The following IL7 variants were observed in gnomAD, a reference collection of about 807,000 sequenced individuals.
The protein encoded by IL7 is interleukin-7.
In IL7, 3 loss-of-function variants were observed where a neutral mutation model predicts 21.6. The observed-to-expected ratio is 0.14, with a 90% CI of 0.06 to 0.36. IL7 has a LOEUF of 0.36. Among genes scored for constraint, IL7 ranks in the 10% least tolerant of loss-of-function variants. IL7 has a pLI of 1.00. For synonymous variants in IL7, 62 were observed against 68.1 expected, an observed-to-expected ratio of 0.91 and a Z score of 0.44; for missense variants, 175 against 200.2, an observed-to-expected ratio of 0.87 and a Z score of 0.76.
At chr8:78,801,173 T>C (rs142301913) in intron 1 of IL7, among the ~76,000 whole-genome samples, 67 of 152,312 alleles carry the variant, frequency 4.4e-4, no homozygotes, top group African/African-American at 1.5e-3. Flanking sequence ...AGACAGACTA[T>C]GGCAATATAA....
chr8:78,784,290 G>A (rs1164383673), intron 2 of IL7, among the ~76,000 whole-genome samples: 2 of 152,098 alleles, frequency 1.3e-5, no homozygotes, highest in African/African-American at 2.4e-5. Context: ...TCCACAACCT[G>A]GAAGAGGTCC....
downstream of IL7, among the ~76,000 whole-genome samples, chr8:78,713,360 T>C (rs1339938103): frequency 6.6e-6 from 1 of 152,124 alleles, no homozygotes; most frequent in Non-Finnish European, 1.5e-5. Context: ...ATATAAACAT[T>C]TTGAACAACC....
At chr8:78,737,907 G>T (rs1036820978) in intron 4 of IL7, among the ~76,000 whole-genome samples, 2 of 152,086 alleles carry the variant, frequency 1.3e-5, no homozygotes, top group African/African-American at 4.8e-5. Context: ...ATCCCACAAT[G>T]TAGATATGTT....
At chr8:78,675,597 G>T, downstream of IL7, 1 of 517,916 alleles carries the variant, frequency 1.9e-6, no homozygotes, top group Non-Finnish European at 3.4e-6. Context: ...TATTTATCCT[G>T]ACCTTTTTCA....
downstream of IL7, among the ~76,000 whole-genome samples, chr8:78,728,593 T>G (rs1439263751): frequency 1.3e-5 from 2 of 152,090 alleles, no homozygotes; most frequent in African/African-American, 2.4e-5. Flanking sequence ...TTGATACACA[T>G]TTTATGTCTC....
chr8:78,746,775 A>T (rs1811992748), intron 2 of IL7: 1 of 332,160 alleles, frequency 3.0e-6, no homozygotes, highest in Admixed American at 4.2e-5. Flanking sequence ...CTGTGTGTGT[A>T]TGTGTTTGTA....
chr8:78,711,041 C>A (rs1810935154), intron 3 of IL7, among the ~76,000 whole-genome samples: 1 of 152,088 alleles, frequency 6.6e-6, no homozygotes, highest in Non-Finnish European at 1.5e-5. Flanking sequence ...GAGAATGGAG[C>A]ACAGTGCCTG....
At chr8:78,717,846 A>G (rs985958724), downstream of IL7, 1 of 160,036 alleles carries the variant, frequency 6.2e-6, no homozygotes, top group Non-Finnish European at 1.4e-5. Context: ...TTAGCCCTTC[A>G]AGCTTTAGGA....
rs549291800 is a variant in IL7 at position 78,699,664 on chromosome 8, A to G, written n.215-13717T>C. 2.4e-3 allele frequency among the ~76,000 whole-genome samples: 364 copies of G among 151,960 alleles called. 2 individuals are homozygous for G. The highest frequency in any genetic ancestry group is 8.2e-3 in the African/African-American group (338 of 41,470). On this transcript the variant is annotated intron_variant and non_coding_transcript_variant, in intron 3 of 4. Transcript: ENST00000523959. The stretch of plus-strand genomic sequence containing the variant: ...ACTCCAGTACGTGTTGTTCCCCTCT[A>G]TGTGTCCATGTAGTCTCATAATTTA...
intron 3 of IL7, among the ~76,000 whole-genome samples, chr8:78,690,740 T>C (rs975357475): frequency 1.3e-5 from 2 of 152,320 alleles, no homozygotes; most frequent in Non-Finnish European, 2.9e-5. Context: ...GAACCTGTTA[T>C]ATTTTCTGAT....
At chr8:78,747,022 G>A (rs1203498162) in intron 2 of IL7, 10 of 456,404 alleles carry the variant, frequency 2.2e-5, no homozygotes, top group African/African-American at 6.0e-5. Context: ...GCTAGCAAAC[G>A]AATGTCTAAT....
At chr8:78,784,729 A>G (rs1384182638) in intron 2 of IL7, among the ~76,000 whole-genome samples, 1 of 152,078 alleles carries the variant, frequency 6.6e-6, no homozygotes, top group Admixed American at 6.6e-5. Flanking sequence ...AACCATGAGG[A>G]AAATAAAAGA....
At chr8:78,687,465 T>C (rs1360764443) in intron 3 of IL7, among the ~76,000 whole-genome samples, 6 of 145,458 alleles carry the variant, frequency 4.1e-5, no homozygotes, top group African/African-American at 1.2e-4. Context: ...TACATAATTA[T>C]ATATATATTT....
chr8:78,750,131 G>A (rs936862017), intron 2 of IL7, among the ~76,000 whole-genome samples: 3 of 152,066 alleles, frequency 2.0e-5, no homozygotes, highest in African/African-American at 7.2e-5. Context: ...AACCTTCTGA[G>A]GTTTTATCAG....
At chr8:78,804,799 G>C (rs1814251532) in intron 1 of IL7, 114 bp downstream of exon 1, 2 of 1,245,298 alleles carry the variant, frequency 1.6e-6, no homozygotes, top group Non-Finnish European at 2.3e-6. Flanking sequence ...CAGGTCCAAA[G>C]TGCAAGGCCG....
At chr8:78,692,935 A>G (rs1356535771) in intron 3 of IL7, among the ~76,000 whole-genome samples, 4 of 151,718 alleles carry the variant, frequency 2.6e-5, no homozygotes, top group African/African-American at 9.7e-5. Flanking sequence ...CCTGTGTCCA[A>G]GTGCTCTCAT....
At chr8:78,731,851 G>A (rs1811430195), downstream of IL7, among the ~76,000 whole-genome samples, 1 of 151,916 alleles carries the variant, frequency 6.6e-6, no homozygotes, top group African/African-American at 2.4e-5. Context: ...TATAACAAAT[G>A]ACAGAAACCA....
At chr8:78,721,144 A>T (rs1364206800) in intron 4 of IL7, 2 of 152,044 alleles carry the variant, frequency 1.3e-5, no homozygotes, top group Admixed American at 1.3e-4. Context: ...ACCTAAACAG[A>T]CAATTACAAC....
chr8:78,680,286 CAAAAAAAAAAAAAA>C (rs3070855), intron 4 of IL7, among the ~76,000 whole-genome samples: 1 of 88,150 alleles, frequency 1.1e-5, no homozygotes, highest in Non-Finnish European at 2.2e-5. Flanking sequence ...GACTCCGTCT[CAAAAAAAAAAAAAA>C]AAAAAAAAAA....
Sources: gnomAD v4.1 joint callset for allele counts (sites outside exome capture counted in the v4.1 genomes callset) on GRCh38, gnomAD v4.1.1 for gene constraint, MANE v1.5 for transcripts, NCBI Gene and HGNC (gene_info 2026-07-23, HGNC 2026-07-21) for gene names.